The following WDR59 variants were observed in gnomAD, a reference collection of about 807,000 sequenced individuals.
The protein encoded by WDR59 is WD repeat domain 59, also known as GATOR2 complex protein WDR59.
Under a neutral mutation model 131.2 loss-of-function variants are expected in WDR59, and 100 were observed. That is an observed-to-expected ratio of 0.76 (90% CI 0.65 to 0.90). WDR59 has a LOEUF of 0.90. Ranked by LOEUF, WDR59 falls within the 40% of genes least tolerant of loss-of-function variation. The probability of loss-of-function intolerance (pLI) is 0.00; values close to 1 mark genes in which losing one functional copy is unlikely to be tolerated. For synonymous variants in WDR59, 601 were observed against 466.2 expected, an observed-to-expected ratio of 1.29 and a Z score of -3.72; for missense variants, 1,203 against 1,262.2, an observed-to-expected ratio of 0.95 and a Z score of 0.71.
intron 18 of WDR59, among the ~76,000 whole-genome samples, chr16:74,902,175 A>G (rs1373266136): frequency 6.6e-6 from 1 of 152,208 alleles, no homozygotes; most frequent in Non-Finnish European, 1.5e-5. Context: ...ATATATCAAT[A>G]TAAGAGTTTC....
At chr16:74,929,559 GA>G (rs1410466806) in intron 8 of WDR59, among the ~76,000 whole-genome samples, 1 of 152,138 alleles carries the variant, frequency 6.6e-6, no homozygotes, top group Non-Finnish European at 1.5e-5. Flanking sequence ...GGAGAAAAGG[GA>G]ATTCTCATAC....
At chr16:74,901,228 G>T (rs1005133795) in intron 18 of WDR59, among the ~76,000 whole-genome samples, 1 of 151,852 alleles carries the variant, frequency 6.6e-6, no homozygotes, top group Non-Finnish European at 1.5e-5. Flanking sequence ...GGGCAACATA[G>T]CAAGACCTCA....
At chr16:74,901,148 G>A (rs922174607) in intron 18 of WDR59, among the ~76,000 whole-genome samples, 6 of 152,054 alleles carry the variant, frequency 3.9e-5, no homozygotes, top group Non-Finnish European at 8.8e-5. Flanking sequence ...ATGGCTCATG[G>A]CTACAATCCC....
chr16:74,877,796 C>T (rs1336129370), intron 25 of WDR59, among the ~76,000 whole-genome samples: 4 of 152,164 alleles, frequency 2.6e-5, no homozygotes, highest in African/African-American at 7.2e-5. Flanking sequence ...CCACCTGCCT[C>T]GGCTTCCCAA....
chr16:74,883,302 C>T lies in WDR59; in HGVS notation c.2689+2351G>A, dbSNP rs141637292. Among the ~76,000 whole-genome samples, 349 of 152,128 alleles carry T rather than the reference C, an allele frequency of 2.3e-3. 1 individual carries two copies. Among genetic ancestry groups the T allele is most frequent in the African/African-American group, 7.4e-3 (307 of 41,528 alleles). ...CCTCCCAAAGTGCTGGGATTACAGGCGTGAGTCACCGTACCCGGCCACACC... is the reference window on the plus strand; with the variant it reads ...CCTCCCAAAGTGCTGGGATTACAGGTGTGAGTCACCGTACCCGGCCACACC... On this transcript the variant is annotated intron_variant, in intron 25 of 25. Transcript: ENST00000262144.
chr16:74,931,177 CTTAA>C (rs1023076199), intron 8 of WDR59, among the ~76,000 whole-genome samples: 4 of 151,722 alleles, frequency 2.6e-5, no homozygotes, highest in African/African-American at 7.3e-5. Context: ...TCATGGAAAG[CTTAA>C]TTAATTTAAA....
intron 1 of WDR59, among the ~76,000 whole-genome samples, chr16:74,973,555 A>T: frequency 1.0e-5 from 1 of 99,870 alleles, no homozygotes; most frequent in Non-Finnish European, 1.9e-5. Context: ...TCAAAGTGCT[A>T]AGATTACAAG....
intron 18 of WDR59, among the ~76,000 whole-genome samples, chr16:74,902,132 C>T (rs1035182307): frequency 5.9e-5 from 9 of 152,254 alleles, no homozygotes; most frequent in African/African-American, 1.4e-4. Context: ...GAACTATACA[C>T]AACTTTGATT....
intron 8 of WDR59, 41 bp from the exon 9 acceptor site, chr16:74,924,044 A>C (rs1453400348): frequency 6.3e-7 from 1 of 1,586,908 alleles, no homozygotes; most frequent in South Asian, 1.1e-5. Context: ...AATAAATGCC[A>C]TTAAAAAATT....
intron 1 of WDR59, 136 bp from the exon 2 acceptor site, chr16:74,965,958 A>C: frequency 2.6e-6 from 2 of 770,484 alleles, no homozygotes; most frequent in East Asian, 5.3e-5. Flanking sequence ...TCTACAGTGG[A>C]TGCTTCTACC....
intron 10 of WDR59, 124 bp from the exon 11 acceptor site, chr16:74,918,132 C>T: frequency 2.3e-6 from 2 of 864,166 alleles, no homozygotes; most frequent in East Asian, 2.5e-5. Flanking sequence ...TTCTCATATG[C>T]CAGGCACTAT....
rs1420843239 is a variant in WDR59 at position 74,906,314 on chromosome 16, A to AAAAAAAAAAAAC, written c.1713-2215_1713-2214insGTTTTTTTTTTT. Among the ~76,000 whole-genome samples, 8 of 59,076 alleles carry AAAAAAAAAAAAC rather than the reference A, an allele frequency of 1.4e-4. 2 individuals carry two copies. The highest frequency in any genetic ancestry group is 2.0e-4 in the Non-Finnish European group (5 of 24,686). 38.8% of individuals were successfully genotyped at this position (59,076 alleles called of 152,430 possible). A position where few individuals can be genotyped will look rare whatever the true frequency, so the allele number is the denominator to read the frequency against. ...GAGCGACAGAGCAAGACTCCGTCTC[A>AAAAAAAAAAAAC]AAAAAAAAAAAACCCACAGTGAGAT... is the stretch of plus-strand genomic sequence containing the variant. On this transcript the variant is annotated intron_variant, in intron 17 of 25. Coordinates refer to ENST00000262144, the MANE Select transcript of WDR59 (RefSeq NM_030581.4).
chr16:74,874,754 G>A (rs2144739598), intron 25 of WDR59, among the ~76,000 whole-genome samples: 1 of 152,260 alleles, frequency 6.6e-6, no homozygotes, highest in East Asian at 1.9e-4. Context: ...ACCACGCCCA[G>A]CTAAGTTTGT....
intron 1 of WDR59, among the ~76,000 whole-genome samples, chr16:74,976,066 A>C (rs964638866): frequency 1.3e-4 from 20 of 152,184 alleles, no homozygotes; most frequent in African/African-American, 4.8e-4. Context: ...CACTTACACC[A>C]AAAAGTCCTA....
chr16:74,960,790 G>T (rs1263516642), intron 2 of WDR59, among the ~76,000 whole-genome samples: 1 of 149,892 alleles, frequency 6.7e-6, no homozygotes, highest in Non-Finnish European at 1.5e-5. Flanking sequence ...AAAGAAAATG[G>T]GAAAATAAAA....
chr16:74,976,169 C>A (rs1369332389), intron 1 of WDR59, among the ~76,000 whole-genome samples: 1 of 152,096 alleles, frequency 6.6e-6, no homozygotes, highest in Non-Finnish European at 1.5e-5. Context: ...GAAAAACACA[C>A]AGATTATTAA....
chr16:74,878,426 G>C (rs567653818), intron 25 of WDR59, among the ~76,000 whole-genome samples: 65 of 152,348 alleles, frequency 4.3e-4, no homozygotes, highest in African/African-American at 1.5e-3. Context: ...GGCCAAGGTG[G>C]GTGGATCACC....
chr16:74,906,501 C>T (rs940921019), intron 17 of WDR59, among the ~76,000 whole-genome samples: 7 of 151,866 alleles, frequency 4.6e-5, no homozygotes, highest in Admixed American at 3.9e-4. Flanking sequence ...GTTAAAAATA[C>T]ATCTATCTGA....
At chr16:74,942,044 G>C (rs1434810668) in intron 7 of WDR59, among the ~76,000 whole-genome samples, 1 of 152,088 alleles carries the variant, frequency 6.6e-6, no homozygotes, top group East Asian at 1.9e-4. Flanking sequence ...CTAACAGTCT[G>C]GCAGTCAATG....
Sources: allele counts gnomAD v4.1 joint callset (sites outside exome capture counted in the v4.1 genomes callset), GRCh38; gene constraint gnomAD v4.1.1; transcripts MANE v1.5; gene names NCBI Gene and HGNC (gene_info 2026-07-23, HGNC 2026-07-21).